The following AMBRA1 variants were observed in gnomAD, a reference collection of about 807,000 sequenced individuals.
AMBRA1 encodes activating molecule in BECN1-regulated autophagy protein 1.
AMBRA1 carries 47 observed loss-of-function variants against 125.4 expected under a neutral mutation model. That is an observed-to-expected ratio of 0.37 (90% CI 0.30 to 0.48). The LOEUF (loss-of-function observed/expected upper bound fraction) is 0.48, where lower values mean the gene tolerates loss of function less well. Among genes scored for constraint, AMBRA1 ranks in the 20% least tolerant of loss-of-function variants. The probability of loss-of-function intolerance (pLI) is 0.99; values close to 1 mark genes in which losing one functional copy is unlikely to be tolerated. For missense variants in AMBRA1, 1,331 were observed against 1,693.4 expected, an observed-to-expected ratio of 0.79 and a Z score of 3.76; for synonymous variants, 626 against 655.5, an observed-to-expected ratio of 0.95 and a Z score of 0.69.
At chr11:46,480,398 C>A (rs924002920) in intron 11 of AMBRA1, among the ~76,000 whole-genome samples, 4 of 152,010 alleles carry the variant, frequency 2.6e-5, no homozygotes, top group African/African-American at 9.7e-5. Context: ...CAATTGGACT[C>A]GCAGAATTGT....
At chr11:46,408,733 C>T in intron 16 of AMBRA1, 27 bp from the exon 17 acceptor site, 1 of 1,502,648 alleles carries the variant, frequency 6.7e-7, no homozygotes, top group Non-Finnish European at 8.9e-7. Flanking sequence ...AGACTAAAGT[C>T]AGATGGGGCT....
At chr11:46,418,182 C>T in intron 14 of AMBRA1, 130 bp from the exon 15 acceptor site, 1 of 402,524 alleles carries the variant, frequency 2.5e-6, no homozygotes, top group Non-Finnish European at 3.6e-6. Flanking sequence ...CAGGATGACT[C>T]TTTTTTTTTC....
intron 8 of AMBRA1, among the ~76,000 whole-genome samples, chr11:46,509,214 G>T (rs1310716159): frequency 1.3e-5 from 2 of 152,010 alleles, no homozygotes; most frequent in Non-Finnish European, 1.5e-5. Context: ...TCAAACTACG[G>T]CTTTAATATC....
chr11:46,500,939 T>TA (rs1950814711), intron 9 of AMBRA1, among the ~76,000 whole-genome samples: 1 of 152,202 alleles, frequency 6.6e-6, no homozygotes, highest in South Asian at 2.1e-4. Context: ...TTCCATAACT[T>TA]AAAATGCTTC....
chr11:46,401,643 G>C (rs188671935), intron 17 of AMBRA1, among the ~76,000 whole-genome samples: 1 of 152,188 alleles, frequency 6.6e-6, no homozygotes. Context: ...CCCAGGCTCT[G>C]CGGGAGGCCC....
At position 46,542,732 on chromosome 11, in the gene AMBRA1, GGGA is replaced by G; in HGVS notation, c.1282_1284del (p.Ser428del). The G allele has an allele frequency of 2.5e-6, 4 of 1,614,024 alleles. No homozygotes were observed. Among genetic ancestry groups the G allele is most frequent in the Non-Finnish European group, 3.4e-6 (4 of 1,180,014 alleles). On this transcript the variant is annotated inframe_deletion, in exon 7 of 18. Transcript: ENST00000683756. This position sits in a 1 kb window ranked among gnomAD's most constrained non-coding sequence, Gnocchi z 5.9. ...GGGGGCATGGATTCCGCCTCAGAGC[GGGA>G]GTTCAGACTGAGTACTGTCCGGGTC...
At chr11:46,516,423 C>CTTTTTTTTTTTT (rs1162985350) in intron 7 of AMBRA1, among the ~76,000 whole-genome samples, 1 of 73,178 alleles carries the variant, frequency 1.4e-5, no homozygotes, top group Non-Finnish European at 2.6e-5. Context: ...AAAGATCTTT[C>CTTTTTTTTTTTT]TTTTTTTTTT....
At chr11:46,588,576 G>C (rs1429338852) in intron 1 of AMBRA1, among the ~76,000 whole-genome samples, 1 of 151,282 alleles carries the variant, frequency 6.6e-6, no homozygotes, top group Non-Finnish European at 1.5e-5. Context: ...AGGAGTTCGA[G>C]ACCAGCCTGA....
intron 1 of AMBRA1, among the ~76,000 whole-genome samples, chr11:46,571,994 A>G (rs1053932697): frequency 1.2e-4 from 18 of 152,008 alleles, no homozygotes; most frequent in Admixed American, 3.3e-4. Flanking sequence ...TGCCCAATCA[A>G]TCAATATCTT....
intron 1 of AMBRA1, among the ~76,000 whole-genome samples, chr11:46,551,195 A>G (rs915197448): frequency 2.0e-5 from 3 of 152,150 alleles, no homozygotes; most frequent in Non-Finnish European, 4.4e-5. Flanking sequence ...ACCTTTGAAT[A>G]AGAAGAAAAA....
At chr11:46,420,518 G>A (rs777706554) in intron 14 of AMBRA1, among the ~76,000 whole-genome samples, 5 of 152,180 alleles carry the variant, frequency 3.3e-5, no homozygotes, top group Non-Finnish European at 5.9e-5. Context: ...TCTTTCTCAT[G>A]GAGGTTTTCA....
At position 46,513,423 on chromosome 11, in the gene AMBRA1, T is replaced by C. The variant is rs551418493; in HGVS notation, c.2073-610A>G. Among the ~76,000 whole-genome samples, 4 of 152,250 alleles carry C rather than the reference T, an allele frequency of 2.6e-5. 1 individual carries two copies. In the South Asian group the frequency reaches 8.3e-4, roughly 32 times the overall value. Reference sequence around the variant, plus strand: ...CCAATAACAAACTCAACTGATCATATGTGATACGTACATTTTATTGAACAC... The same window carrying C: ...CCAATAACAAACTCAACTGATCATACGTGATACGTACATTTTATTGAACAC... On this transcript the variant is annotated intron_variant, in intron 7 of 17. Transcript: ENST00000683756.
chr11:46,426,134 T>C (rs982138026), intron 14 of AMBRA1, among the ~76,000 whole-genome samples: 1 of 151,814 alleles, frequency 6.6e-6, no homozygotes, highest in African/African-American at 2.4e-5. Flanking sequence ...ATTTTCAGGA[T>C]TATCTCATTA....
intron 17 of AMBRA1, among the ~76,000 whole-genome samples, chr11:46,404,518 G>A (rs899989359): frequency 6.6e-6 from 1 of 152,220 alleles, no homozygotes; most frequent in South Asian, 2.1e-4. Context: ...CATACCCTCT[G>A]ACCCACACCT....
chr11:46,434,361 G>T (rs1417892939), intron 13 of AMBRA1, among the ~76,000 whole-genome samples: 1 of 151,472 alleles, frequency 6.6e-6, no homozygotes, highest in Non-Finnish European at 1.5e-5. Flanking sequence ...TCAACTCAAG[G>T]TGACACCAAC....
chr11:46,591,350 C>T (rs1213759078), intron 1 of AMBRA1: 1 of 152,214 alleles, frequency 6.6e-6, no homozygotes, highest in Non-Finnish European at 1.5e-5. Context: ...TCTGGTGGCT[C>T]TTCATTAATC....
intron 16 of AMBRA1, 123 bp from the exon 17 acceptor site, chr11:46,408,829 C>A (rs973515135): frequency 4.8e-6 from 4 of 834,464 alleles, no homozygotes; most frequent in Non-Finnish European, 6.8e-6. Context: ...TAAGAGAAGC[C>A]CTGTGCTCCT....
chr11:46,546,820 C>T (rs1422776403), intron 4 of AMBRA1, among the ~76,000 whole-genome samples: 1 of 152,132 alleles, frequency 6.6e-6, no homozygotes, highest in Non-Finnish European at 1.5e-5. Flanking sequence ...CCTGTAATCC[C>T]AGCACTTTGG....
At chr11:46,456,853 T>C (rs1446106261) in intron 11 of AMBRA1, among the ~76,000 whole-genome samples, 1 of 152,238 alleles carries the variant, frequency 6.6e-6, no homozygotes, top group Non-Finnish European at 1.5e-5. Flanking sequence ...CACTGGGAGA[T>C]GGCAGAAATG....
Sources: gnomAD v4.1 joint callset for allele counts (sites outside exome capture counted in the v4.1 genomes callset) on GRCh38, gnomAD v4.1.1 for gene constraint, Gnocchi (gnomAD v3.1) non-coding constraint, MANE v1.5 for transcripts, NCBI Gene and HGNC (gene_info 2026-07-23, HGNC 2026-07-21) for gene names.